The following CALN1 variants were observed in gnomAD, a reference collection of about 807,000 sequenced individuals.
CALN1 encodes calneuron 1.
In CALN1, 17 loss-of-function variants were observed where a neutral mutation model predicts 30.6. The ratio of observed to expected loss-of-function variants is 0.56; its 90% CI spans 0.38 to 0.83. CALN1 has a LOEUF of 0.83. CALN1 is among the 40% of genes least tolerant of loss of function. The pLI, the probability that CALN1 is intolerant of heterozygous loss-of-function variation, is 0.00. For synonymous variants in CALN1, 156 were observed against 131.4 expected (o/e 1.19, Z -1.28); for missense variants, 291 against 354.9 (o/e 0.82, Z 1.45).
At chr7:72,271,854 G>A (rs896144259) in intron 3 of CALN1, among the ~76,000 whole-genome samples, 2 of 151,498 alleles carry the variant, frequency 1.3e-5, no homozygotes, top group African/African-American at 4.9e-5. Context: ...CTGAGGTCAG[G>A]AATTCAAGAC....
chr7:72,193,638 C>T (rs1006095487), intron 3 of CALN1, among the ~76,000 whole-genome samples: 3 of 152,184 alleles, frequency 2.0e-5, no homozygotes, highest in African/African-American at 7.2e-5. Flanking sequence ...GTTCAACATG[C>T]TACTGGATTG....
At chr7:72,411,805 A>AATAG (rs1807175124) in intron 1 of CALN1, among the ~76,000 whole-genome samples, 1 of 115,310 alleles carries the variant, frequency 8.7e-6, no homozygotes, top group African/African-American at 5.2e-5. Context: ...CTTTTAAAGT[A>AATAG]ATAAGAAAAG....
At chr7:72,377,269 G>A (rs1157067776) in intron 2 of CALN1, among the ~76,000 whole-genome samples, 1 of 152,020 alleles carries the variant, frequency 6.6e-6, no homozygotes, top group African/African-American at 2.4e-5. Context: ...GTCAATTTGG[G>A]GACTCTTGTC....
Position 71,947,537 on chromosome 7 carries a change from T to C in CALN1, c.501+76120A>G, listed in dbSNP as rs1276917310. 2.0e-5 allele frequency among the ~76,000 whole-genome samples: 3 copies of C among 152,308 alleles called. No homozygotes were observed. The East Asian group carries it at 5.8e-4, about 29-fold the overall frequency. ...GGTATGTCTTGAATTTCTGAAAATA[T>C]CACTGGGCTTAAAAGTGAAGAAAAT... On this transcript the variant is annotated intron_variant, in intron 5 of 6. Transcript: ENST00000395275.
At chr7:72,456,918 G>A in the CALN1 span, among the ~76,000 whole-genome samples, 1 of 151,648 alleles carries the variant, frequency 6.6e-6, no homozygotes, top group Non-Finnish European at 1.5e-5. Context: ...CTGTCTTAGA[G>A]CCCAAGTAGG....
intron 6 of CALN1, among the ~76,000 whole-genome samples, chr7:71,788,772 C>T (rs1793138403): frequency 6.6e-6 from 1 of 152,022 alleles, no homozygotes; most frequent in Non-Finnish European, 1.5e-5. Context: ...ATTCTCCTGT[C>T]TCAGCCTCCT....
intron 3 of CALN1, among the ~76,000 whole-genome samples, chr7:72,169,524 T>C (rs1359314155): frequency 6.6e-6 from 1 of 150,928 alleles, no homozygotes; most frequent in Non-Finnish European, 1.5e-5. Flanking sequence ...AATCTTTCTA[T>C]GTTGCCCAGG....
At chr7:72,067,555 A>G (rs1297755028) in intron 4 of CALN1, among the ~76,000 whole-genome samples, 2 of 152,188 alleles carry the variant, frequency 1.3e-5, no homozygotes, top group African/African-American at 2.4e-5. Context: ...CAGCCACTCC[A>G]TAATTTTTCT....
intron 4 of CALN1, among the ~76,000 whole-genome samples, chr7:72,040,384 C>T (rs10266409): frequency 0.19 from 28,667 of 151,880 alleles, 3,192 homozygotes; most frequent in East Asian, 0.4. Context: ...ACTCAGAAGG[C>T]TGAGACAGGA....
chr7:71,887,883 A>G (rs1165782045), intron 5 of CALN1, among the ~76,000 whole-genome samples: 1 of 152,108 alleles, frequency 6.6e-6, no homozygotes, highest in African/African-American at 2.4e-5. Context: ...ATGTGTGTGC[A>G]AAATGTGTTG....
intron 5 of CALN1, among the ~76,000 whole-genome samples, chr7:71,966,651 C>T (rs1797542851): frequency 6.6e-6 from 1 of 152,160 alleles, no homozygotes; most frequent in African/African-American, 2.4e-5. Context: ...TCATGCTTCC[C>T]GTACAGCCTG....
chr7:71,901,651 C>G (rs1226251078), intron 5 of CALN1, among the ~76,000 whole-genome samples: 1 of 151,968 alleles, frequency 6.6e-6, no homozygotes, highest in Non-Finnish European at 1.5e-5. Flanking sequence ...ACAAAGTCAA[C>G]AAAAACATAT....
the CALN1 span, among the ~76,000 whole-genome samples, chr7:72,492,389 G>C: frequency 6.6e-6 from 1 of 152,332 alleles, no homozygotes; most frequent in South Asian, 2.1e-4. Context: ...AGCCAAAGAT[G>C]CTTCCTCTAA....
At chr7:72,106,068 G>C in intron 4 of CALN1, 83 bp downstream of exon 4, 2 of 1,512,734 alleles carry the variant, frequency 1.3e-6, no homozygotes, top group South Asian at 2.5e-5. Flanking sequence ...GGATTTAAAA[G>C]TGCAAGGCCC....
At chr7:72,057,233 C>A (rs1240759858) in intron 4 of CALN1, among the ~76,000 whole-genome samples, 1 of 152,170 alleles carries the variant, frequency 6.6e-6, no homozygotes, top group Non-Finnish European at 1.5e-5. Flanking sequence ...AAGCTTGAGC[C>A]ATGAAGCCTG....
intron 3 of CALN1, among the ~76,000 whole-genome samples, chr7:72,249,425 T>A (rs540395739): frequency 2.9e-4 from 43 of 149,896 alleles, no homozygotes; most frequent in Non-Finnish European, 4.4e-4. Context: ...CAAGATCACA[T>A]GTTTAATGGC....
intron 2 of CALN1, among the ~76,000 whole-genome samples, chr7:72,332,273 A>T (rs1290714886): frequency 6.6e-6 from 1 of 151,998 alleles, no homozygotes; most frequent in Non-Finnish European, 1.5e-5. Context: ...TCATATTTAC[A>T]CCCACTTTTA....
intron 5 of CALN1, among the ~76,000 whole-genome samples, chr7:71,913,342 C>T (rs1436370233): frequency 6.6e-6 from 1 of 152,176 alleles, no homozygotes; most frequent in Non-Finnish European, 1.5e-5. Flanking sequence ...ATTCTATGAG[C>T]TGGCTTCTGA....
At chr7:72,292,138 AATGGCAAAAATCGCAATT>A (rs1237410551) in intron 2 of CALN1, among the ~76,000 whole-genome samples, 2 of 152,104 alleles carry the variant, frequency 1.3e-5, no homozygotes, top group East Asian at 3.9e-4. Context: ...CATTACTTTC[AATGGCAAAAATCGCAATT>A]ACTCTTGCAC....
Sources: allele counts gnomAD v4.1 joint callset (sites outside exome capture counted in the v4.1 genomes callset), GRCh38; gene constraint gnomAD v4.1.1; transcripts MANE v1.5; gene names NCBI Gene and HGNC (gene_info 2026-07-23, HGNC 2026-07-21).